RGS20: variants seen among roughly 807,000 people sequenced by gnomAD.
The protein encoded by RGS20 is regulator of G protein signaling 20.
A neutral mutation model predicts 33.6 loss-of-function variants in RGS20; 30 were observed. The ratio of observed to expected loss-of-function variants is 0.89; its 90% CI spans 0.67 to 1.21. RGS20 has a LOEUF of 1.21. Ranked by LOEUF, RGS20 falls within the 50% of genes most tolerant of loss-of-function variation. RGS20 has a pLI of 0.00. For synonymous variants in RGS20, 208 were observed against 197.9 expected, an observed-to-expected ratio of 1.05 and a Z score of -0.43; for missense variants, 472 against 502.4, an observed-to-expected ratio of 0.94 and a Z score of 0.58.
chr8:53,885,499 A>G (rs911320161), intron 2 of RGS20, among the ~76,000 whole-genome samples: 1 of 152,214 alleles, frequency 6.6e-6, no homozygotes, highest in Non-Finnish European at 1.5e-5. Context: ...CTGTAGTACC[A>G]GCTACTCGGG....
intron 4 of RGS20, among the ~76,000 whole-genome samples, chr8:53,952,590 G>A (rs28405104): frequency 0.58 from 87,710 of 151,384 alleles, 25,618 homozygotes; most frequent in East Asian, 0.85. Context: ...CCCGGGTGTG[G>A]TGGTAAGCAC....
At chr8:53,949,995 A>C (rs1283883636) in intron 4 of RGS20, among the ~76,000 whole-genome samples, 1 of 151,744 alleles carries the variant, frequency 6.6e-6, no homozygotes, top group Non-Finnish European at 1.5e-5. Context: ...GCCCACCACC[A>C]TGCCCAGCTA....
chr8:53,860,895 A>G (rs1380202046), intron 1 of RGS20, among the ~76,000 whole-genome samples: 3 of 152,098 alleles, frequency 2.0e-5, no homozygotes, highest in Non-Finnish European at 4.4e-5. Flanking sequence ...TGAACCCAGG[A>G]GGCAGAGGCT....
chr8:53,928,166 CTG>C (rs1813856258), intron 2 of RGS20, among the ~76,000 whole-genome samples: 2 of 152,238 alleles, frequency 1.3e-5, no homozygotes, highest in Admixed American at 6.5e-5. Context: ...ATAACAAACC[CTG>C]TGTGTTAGTC....
chr8:53,865,179 C>T (rs1043457552), intron 1 of RGS20, among the ~76,000 whole-genome samples: 1 of 152,240 alleles, frequency 6.6e-6, no homozygotes, highest in Non-Finnish European at 1.5e-5. Context: ...CTTCCCTGTT[C>T]TTGCCGTCTT....
At chr8:53,897,738 A>G (rs944698247) in intron 2 of RGS20, among the ~76,000 whole-genome samples, 8 of 152,206 alleles carry the variant, frequency 5.3e-5, no homozygotes, top group African/African-American at 1.9e-4. Context: ...TGCTTTCTCA[A>G]GTTGCTAACT....
At chr8:53,887,189 T>G in intron 2 of RGS20, 1 of 158,926 alleles carries the variant, frequency 6.3e-6, no homozygotes, top group Non-Finnish European at 1.4e-5. Context: ...CACTTCACCT[T>G]CTTTCTCTTA....
rs185687217 is a variant in RGS20 at position 53,886,532 on chromosome 8, C to T, written c.510+6930C>T. ...ATTTTGAAAGCTCAATTTCTAGTTA[C>T]GCATTTATTTTATTCTAAAGTGTAA... On this transcript the variant is annotated intron_variant, in intron 2 of 5. Transcript: ENST00000297313. Among the ~76,000 whole-genome samples the T allele has an allele frequency of 2.7e-4, 41 of 152,256 alleles. 2 individuals are homozygous for T. The highest frequency in any genetic ancestry group is 1.2e-3 in the East Asian group (6 of 5,192).
intron 5 of RGS20, among the ~76,000 whole-genome samples, chr8:53,956,000 C>T (rs1814854122): frequency 6.6e-6 from 1 of 151,962 alleles, no homozygotes; most frequent in East Asian, 1.9e-4. Context: ...GAGATGTGGG[C>T]GGACAGACCA....
chr8:53,940,336 A>C (rs1381482512), intron 3 of RGS20, among the ~76,000 whole-genome samples: 2 of 152,198 alleles, frequency 1.3e-5, no homozygotes, highest in East Asian at 3.8e-4. Context: ...GGAGAAAAGG[A>C]GATAATTTAC....
At chr8:53,949,390 AAC>A (rs1440448586) in intron 4 of RGS20, among the ~76,000 whole-genome samples, 1 of 150,424 alleles carries the variant, frequency 6.6e-6, no homozygotes, top group Non-Finnish European at 1.5e-5. Flanking sequence ...GCAAACATGA[AAC>A]AGTTATATTT....
At chr8:53,912,300 T>G (rs763845126) in intron 2 of RGS20, among the ~76,000 whole-genome samples, 4 of 151,432 alleles carry the variant, frequency 2.6e-5, no homozygotes, top group Non-Finnish European at 5.9e-5. Flanking sequence ...ACAATGGAGT[T>G]GAGATTTAAG....
At chr8:53,906,074 G>C (rs1813160633) in intron 2 of RGS20, among the ~76,000 whole-genome samples, 1 of 152,094 alleles carries the variant, frequency 6.6e-6, no homozygotes, top group Admixed American at 6.5e-5. Flanking sequence ...ACCCACAAGT[G>C]AACATCCAAC....
chr8:53,866,145 G>A (rs112935887), intron 1 of RGS20, among the ~76,000 whole-genome samples: 3,903 of 152,208 alleles, frequency 0.026, 166 homozygotes, highest in African/African-American at 0.089. Context: ...GGCAGAAGCA[G>A]CAGCTGACAC....
chr8:53,897,701 C>T (rs889235296), intron 2 of RGS20, among the ~76,000 whole-genome samples: 12 of 152,290 alleles, frequency 7.9e-5, no homozygotes, highest in African/African-American at 2.9e-4. Context: ...GCTGCCCCGT[C>T]GATTGTCCCA....
At chr8:53,919,882 T>C (rs1192237222) in intron 2 of RGS20, among the ~76,000 whole-genome samples, 2 of 152,032 alleles carry the variant, frequency 1.3e-5, no homozygotes, top group Non-Finnish European at 2.9e-5. Context: ...TTCCACTTAC[T>C]TAGATTTTTT....
intron 2 of RGS20, among the ~76,000 whole-genome samples, chr8:53,902,678 G>A (rs1468117429): frequency 6.6e-6 from 1 of 152,132 alleles, no homozygotes; most frequent in Admixed American, 6.5e-5. Flanking sequence ...GGATACTGCT[G>A]TGAAAATGAA....
At chr8:53,880,481 C>T (rs951776777) in intron 2 of RGS20, among the ~76,000 whole-genome samples, 1 of 152,036 alleles carries the variant, frequency 6.6e-6, no homozygotes, top group African/African-American at 2.4e-5. Context: ...CAGAGACGCG[C>T]AGTCCACAGA....
intron 3 of RGS20, among the ~76,000 whole-genome samples, chr8:53,941,118 C>A (rs768238797): frequency 1.3e-5 from 2 of 152,142 alleles, no homozygotes; most frequent in South Asian, 4.2e-4. Context: ...CGTATTGTCC[C>A]GGGATAGTGT....
Sources: allele counts gnomAD v4.1 joint callset (sites outside exome capture counted in the v4.1 genomes callset), GRCh38; gene constraint gnomAD v4.1.1; transcripts MANE v1.5; gene names NCBI Gene and HGNC (gene_info 2026-07-23, HGNC 2026-07-21).